The following SDK1 variants were observed in gnomAD, a reference collection of about 807,000 sequenced individuals.
SDK1 encodes the protein protein sidekick-1.
A neutral mutation model predicts 245.5 loss-of-function variants in SDK1; 157 were observed. The ratio of observed to expected loss-of-function variants is 0.64; its 90% CI spans 0.56 to 0.73. The LOEUF is 0.73. Among genes scored for constraint, SDK1 ranks in the 30% least tolerant of loss-of-function variants. The probability of loss-of-function intolerance (pLI) is 0.00; values close to 1 mark genes in which losing one functional copy is unlikely to be tolerated. For synonymous variants in SDK1, 1,647 were observed against 1,278.5 expected (o/e 1.29, Z -6.15); for missense variants, 3,583 against 3,002.3 (o/e 1.19, Z -4.52).
At chr7:4,187,945 C>T (rs991402266) in intron 35 of SDK1, among the ~76,000 whole-genome samples, 4 of 145,746 alleles carry the variant, frequency 2.7e-5, no homozygotes, top group East Asian at 2.1e-4. Context: ...CCCAGTTCCA[C>T]GTGGCTGGGG....
At chr7:3,773,618 G>T (rs1219768402) in intron 4 of SDK1, among the ~76,000 whole-genome samples, 2 of 151,878 alleles carry the variant, frequency 1.3e-5, no homozygotes, top group African/African-American at 4.8e-5. Flanking sequence ...GTGATTTTTT[G>T]TTGTTGTTGG....
intron 1 of SDK1, among the ~76,000 whole-genome samples, chr7:3,358,250 G>A (rs564224677): frequency 3.9e-5 from 6 of 152,172 alleles, no homozygotes; most frequent in African/African-American, 1.2e-4. Context: ...TTGAACTCCC[G>A]ACCTCAAGTG....
intron 22 of SDK1, among the ~76,000 whole-genome samples, chr7:4,109,490 G>A (rs1783189374): frequency 6.6e-6 from 1 of 152,172 alleles, no homozygotes; most frequent in Admixed American, 6.5e-5. Context: ...AGTGTTAAAT[G>A]CACCAGGCCC....
intron 4 of SDK1, among the ~76,000 whole-genome samples, chr7:3,771,964 T>C (rs62437940): frequency 4.1e-4 from 63 of 152,330 alleles, no homozygotes; most frequent in Middle Eastern, 3.4e-3. Context: ...TTTTGTCTTA[T>C]GAGTTTGTCT....
At chr7:3,521,527 G>A (rs538187881) in intron 1 of SDK1, among the ~76,000 whole-genome samples, 1 of 152,226 alleles carries the variant, frequency 6.6e-6, no homozygotes, top group South Asian at 2.1e-4. Flanking sequence ...AAACTAACTG[G>A]GAACTTGTGA....
In SDK1 at chr7:4,174,316, A is replaced by G. The variant is rs1351617222; in HGVS notation, c.4895A>G (p.Lys1632Arg). ...GAAGCCGGGTCAGGCACTGAGGCCA[A>G]GACGCTCAAAAACCCTATAGCTTTA... ...EYEAGSGTEA[K>R]TLKNPIALHA... Residue 1632 changes from lysine to arginine, a missense_variant, in exon 33 of 45, where the codon AAG (lysine) becomes AGG (arginine). Coordinates refer to ENST00000404826, the MANE Select transcript of SDK1 (RefSeq NM_152744.4). 1 of 1,613,950 alleles carries G rather than the reference A, an allele frequency of 6.2e-7. No individual in the cohort carries two copies. Among genetic ancestry groups the G allele is most frequent in the Admixed American group, 1.7e-5 (1 of 60,030 alleles).
At chr7:4,120,777 C>T (rs1053028071) in intron 25 of SDK1, among the ~76,000 whole-genome samples, 1 of 151,906 alleles carries the variant, frequency 6.6e-6, no homozygotes, top group African/African-American at 2.4e-5. Context: ...CCACCATGAC[C>T]AGCTAATTTT....
intron 44 of SDK1, among the ~76,000 whole-genome samples, chr7:4,261,483 G>T (rs991976004): frequency 1.3e-5 from 2 of 152,022 alleles, no homozygotes; most frequent in East Asian, 3.9e-4. Context: ...ACTTCTGAAA[G>T]AGCTGCTGTG....
At chr7:3,536,781 G>A (rs1299819139) in intron 1 of SDK1, among the ~76,000 whole-genome samples, 4 of 152,016 alleles carry the variant, frequency 2.6e-5, no homozygotes, top group African/African-American at 4.8e-5. Context: ...ACTTGTATTC[G>A]TTGGAATTTG....
At chr7:3,758,385 C>T (rs1222977021) in intron 4 of SDK1, among the ~76,000 whole-genome samples, 1 of 152,032 alleles carries the variant, frequency 6.6e-6, no homozygotes, top group Non-Finnish European at 1.5e-5. Flanking sequence ...TTTATATATT[C>T]AATCATTTAT....
At chr7:3,713,501 A>G (rs1195704212) in intron 4 of SDK1, among the ~76,000 whole-genome samples, 1 of 152,114 alleles carries the variant, frequency 6.6e-6, no homozygotes, top group Non-Finnish European at 1.5e-5. Flanking sequence ...TGTCTTAGAT[A>G]TGTCTCTCCC....
chr7:3,989,274 C>G (rs1005098533), intron 14 of SDK1, among the ~76,000 whole-genome samples: 3 of 152,180 alleles, frequency 2.0e-5, no homozygotes, highest in African/African-American at 7.2e-5. Context: ...CAAGAGAAGA[C>G]AGCTTGTGCA....
At chr7:3,902,236 G>A (rs1287101648) in intron 5 of SDK1, among the ~76,000 whole-genome samples, 3 of 152,050 alleles carry the variant, frequency 2.0e-5, no homozygotes, top group Admixed American at 6.6e-5. Context: ...ATGAGTTTAC[G>A]CTGACATCTC....
intron 4 of SDK1, among the ~76,000 whole-genome samples, chr7:3,734,159 C>T (rs1220824614): frequency 1.3e-5 from 2 of 152,140 alleles, no homozygotes; most frequent in Non-Finnish European, 2.9e-5. Context: ...CTATAGTTCC[C>T]TTACCTATAG....
At chr7:4,224,549 G>T (rs1277396123) in intron 40 of SDK1, among the ~76,000 whole-genome samples, 1 of 152,120 alleles carries the variant, frequency 6.6e-6, no homozygotes, top group African/African-American at 2.4e-5. Context: ...CCAACACCGG[G>T]GACGATAATT....
chr7:3,917,751 A>T (rs1189753029), intron 5 of SDK1, among the ~76,000 whole-genome samples: 1 of 152,126 alleles, frequency 6.6e-6, no homozygotes, highest in Non-Finnish European at 1.5e-5. Context: ...CTAGACATGA[A>T]TTTCATTTCT....
chr7:3,823,609 G>T (rs1304868596), intron 5 of SDK1, among the ~76,000 whole-genome samples: 20 of 152,164 alleles, frequency 1.3e-4, no homozygotes, highest in Admixed American at 1.2e-3. Context: ...TTTCTACCCT[G>T]ACCGAAAAGT....
intron 1 of SDK1, among the ~76,000 whole-genome samples, chr7:3,581,924 T>G (rs1380697082): frequency 2.6e-5 from 4 of 152,214 alleles, no homozygotes; most frequent in Admixed American, 2.6e-4. Context: ...CATATTCTCG[T>G]CAGTGGGAGC....
intron 35 of SDK1, among the ~76,000 whole-genome samples, chr7:4,190,032 A>G (rs1035958437): frequency 1.5e-4 from 23 of 152,158 alleles, no homozygotes; most frequent in African/African-American, 5.1e-4. Context: ...AGCTCCCGCT[A>G]GTGACAAATA....
Sources: gnomAD v4.1 joint callset for allele counts (sites outside exome capture counted in the v4.1 genomes callset) on GRCh38, gnomAD v4.1.1 for gene constraint, MANE v1.5 for transcripts, NCBI Gene and HGNC (gene_info 2026-07-23, HGNC 2026-07-21) for gene names.